The following ASTN2 variants were observed in gnomAD, a reference collection of about 807,000 sequenced individuals.
ASTN2 encodes astrotactin 2.
A neutral mutation model predicts 139.8 loss-of-function variants in ASTN2; 54 were observed. The ratio of observed to expected loss-of-function variants is 0.39; its 90% CI spans 0.31 to 0.48. The LOEUF is 0.48. Among genes scored for constraint, ASTN2 ranks in the 20% least tolerant of loss-of-function variants. ASTN2 has a pLI of 0.95. For synonymous variants in ASTN2, 756 were observed against 719.5 expected (o/e 1.05, Z -0.81); for missense variants, 1,565 against 1,725.1 (o/e 0.91, Z 1.64).
chr9:116,827,258 AG>A (rs2132278950), intron 11 of ASTN2, among the ~76,000 whole-genome samples: 1 of 147,294 alleles, frequency 6.8e-6, no homozygotes, highest in African/African-American at 2.5e-5. Flanking sequence ...GCAATGAGCC[AG>A]GATTGCGCCA....
intron 19 of ASTN2, among the ~76,000 whole-genome samples, chr9:116,535,660 T>A (rs574885028): frequency 6.6e-6 from 1 of 152,190 alleles, no homozygotes; most frequent in Non-Finnish European, 1.5e-5. Context: ...AAAATTCTTT[T>A]ATTTAAGAAT....
rs145892267 is a variant in ASTN2 at position 116,525,295 on chromosome 9, G to C, written c.3356-37795C>G. Among the ~76,000 whole-genome samples the C allele has an allele frequency of 5.9e-5, 9 of 152,332 alleles. No homozygotes were observed. In the East Asian group the frequency reaches 1.7e-3, roughly 29 times the overall value. On this transcript the variant is annotated intron_variant, in intron 19 of 22. Coordinates refer to ENST00000313400, the MANE Select transcript of ASTN2 (RefSeq NM_001365068.1). ...TGTCTAAGCAGTAAAGGATTCAAGA[G>C]GTGACCTGACTTTTTGGAACACATG...
At chr9:117,064,600 A>G (rs1393906914) in intron 5 of ASTN2, among the ~76,000 whole-genome samples, 1 of 152,114 alleles carries the variant, frequency 6.6e-6, no homozygotes, top group African/African-American at 2.4e-5. Context: ...GAGCTAAACA[A>G]TGTGTACCCA....
intron 12 of ASTN2, among the ~76,000 whole-genome samples, chr9:116,817,861 A>C (rs1167695033): frequency 1.3e-5 from 2 of 152,206 alleles, no homozygotes; most frequent in Non-Finnish European, 2.9e-5. Context: ...CTAATTCTAC[A>C]TGAAAGAGCA....
chr9:117,408,867 C>CA (rs1336759671), intron 1 of ASTN2, among the ~76,000 whole-genome samples: 14 of 152,258 alleles, frequency 9.2e-5, no homozygotes, highest in Admixed American at 8.5e-4. Context: ...CTGCCCTGAG[C>CA]ATTAAATAAA....
chr9:117,320,402 C>T (rs1380627013), intron 1 of ASTN2, among the ~76,000 whole-genome samples: 1 of 152,156 alleles, frequency 6.6e-6, no homozygotes, highest in East Asian at 1.9e-4. Context: ...TCTTGCATGG[C>T]TCTTTTCACA....
chr9:117,237,781 G>A (rs147622014), intron 2 of ASTN2, among the ~76,000 whole-genome samples: 45 of 152,296 alleles, frequency 3.0e-4, no homozygotes, highest in African/African-American at 9.4e-4. Flanking sequence ...ACTCAGCCGA[G>A]GTTGAGTTCT....
intron 13 of ASTN2, among the ~76,000 whole-genome samples, chr9:116,781,206 G>A (rs1477066198): frequency 6.6e-6 from 1 of 152,152 alleles, no homozygotes; most frequent in Non-Finnish European, 1.5e-5. Context: ...GGAGAAGTAG[G>A]TCAGCTGACT....
intron 16 of ASTN2, among the ~76,000 whole-genome samples, chr9:116,665,053 C>T (rs1267398871): frequency 1.3e-5 from 2 of 152,138 alleles, no homozygotes; most frequent in Non-Finnish European, 2.9e-5. Context: ...CTCTTTCTTG[C>T]TCCCTCTCTC....
intron 10 of ASTN2, among the ~76,000 whole-genome samples, chr9:116,944,660 C>T (rs4838031): frequency 0.45 from 58,708 of 130,954 alleles, 14,120 homozygotes; most frequent in Middle Eastern, 0.62. Flanking sequence ...CCAGCCTGGG[C>T]GACAGAGTAA....
chr9:116,711,511 T>C (rs373068134), intron 16 of ASTN2, among the ~76,000 whole-genome samples: 2 of 152,254 alleles, frequency 1.3e-5, no homozygotes, highest in South Asian at 4.1e-4. Context: ...GTATTTTTCA[T>C]GTCTTACCTT....
intron 4 of ASTN2, among the ~76,000 whole-genome samples, chr9:117,118,935 AT>A (rs1303601971): frequency 6.6e-6 from 1 of 151,808 alleles, no homozygotes; most frequent in African/African-American, 2.4e-5. Flanking sequence ...ACCCTGTTTT[AT>A]TTTTCTTCAT....
At chr9:116,978,522 C>CACACACACACAG (rs138804229) in intron 7 of ASTN2, among the ~76,000 whole-genome samples, 1 of 150,278 alleles carries the variant, frequency 6.7e-6, no homozygotes, top group Non-Finnish European at 1.5e-5. Context: ...CACACACACA[C>CACACACACACAG]AGAGAGATAA....
Position 117,196,846 on chromosome 9 carries a change from A to G in ASTN2, c.1015+17512T>C, listed in dbSNP as rs115500920. ...GAAGCACCCACTATAATATAAGAAC[A>G]GTCAGTTTGATGGGGTAGTGGGTTG... On this transcript the variant is annotated intron_variant, in intron 3 of 22. Coordinates refer to ENST00000313400, the MANE Select transcript of ASTN2 (RefSeq NM_001365068.1). 9.3e-3 allele frequency among the ~76,000 whole-genome samples: 1,418 copies of G among 152,300 alleles called. 24 individuals carry two copies. The highest frequency in any genetic ancestry group is 0.033 in the African/African-American group (1,364 of 41,554).
intron 3 of ASTN2, among the ~76,000 whole-genome samples, chr9:117,170,590 G>A (rs996921361): frequency 3.3e-5 from 5 of 152,104 alleles, no homozygotes; most frequent in Non-Finnish European, 7.3e-5. Context: ...AGCATGAATT[G>A]CTGGAGTGAG....
At chr9:116,463,831 A>T (rs1240416738) in intron 20 of ASTN2, among the ~76,000 whole-genome samples, 1 of 151,480 alleles carries the variant, frequency 6.6e-6, no homozygotes, top group African/African-American at 2.4e-5. Flanking sequence ...ACAGGGCCTC[A>T]GGGTCTTGCA....
intron 13 of ASTN2, among the ~76,000 whole-genome samples, chr9:116,741,740 A>G (rs1829101616): frequency 6.6e-6 from 1 of 152,156 alleles, no homozygotes; most frequent in African/African-American, 2.4e-5. Flanking sequence ...GGTGCCGGAG[A>G]CATCTATAGG....
At chr9:116,971,397 T>C (rs560907619) in intron 10 of ASTN2, among the ~76,000 whole-genome samples, 17 of 152,336 alleles carry the variant, frequency 1.1e-4, no homozygotes, top group Admixed American at 3.3e-4. Context: ...ATTGGCAATG[T>C]TCTCTCTCTT....
intron 11 of ASTN2, among the ~76,000 whole-genome samples, chr9:116,824,894 T>C (rs1831582855): frequency 1.3e-5 from 2 of 152,312 alleles, no homozygotes; most frequent in East Asian, 1.9e-4. Flanking sequence ...TAAAAAAGTA[T>C]GGTAAAATTT....
Sources: allele counts gnomAD v4.1 joint callset (sites outside exome capture counted in the v4.1 genomes callset), GRCh38; gene constraint gnomAD v4.1.1; transcripts MANE v1.5; gene names NCBI Gene and HGNC (gene_info 2026-07-23, HGNC 2026-07-21).